KLHL13: variants seen among roughly 807,000 people sequenced by gnomAD.
The protein encoded by KLHL13 is kelch-like protein 13.
A neutral mutation model predicts 37.1 loss-of-function variants in KLHL13; 10 were observed. The ratio of observed to expected loss-of-function variants is 0.27; its 90% confidence interval spans 0.17 to 0.46. The LOEUF (loss-of-function observed/expected upper bound fraction) is 0.46, where lower values mean the gene tolerates loss of function less well. Among genes scored for constraint, KLHL13 ranks in the 20% least tolerant of loss-of-function variants. The pLI is 1.00. For synonymous variants in KLHL13, 163 were observed against 181.2 expected, an observed-to-expected ratio of 0.90 and a Z score of 0.81; for missense variants, 360 against 509.3, an observed-to-expected ratio of 0.71 and a Z score of 2.82.
intron 2 of KLHL13, among the ~76,000 whole-genome samples, chrX:117,931,075 C>T (rs1932426901): frequency 8.9e-6 from 1 of 111,876 alleles, no homozygotes; most frequent in Admixed American, 9.5e-5. Context: ...GGAAAGGCAA[C>T]ACGTGTTAAT....
intron 1 of KLHL13, among the ~76,000 whole-genome samples, chrX:118,086,220 G>T (rs2055052890): frequency 8.9e-6 from 1 of 112,102 alleles, no homozygotes. Flanking sequence ...ACAGGCGTGA[G>T]CCACCATGCC....
chrX:118,112,889 G>A (rs1227074645), intron 1 of KLHL13, among the ~76,000 whole-genome samples: 1 of 111,908 alleles, frequency 8.9e-6, no homozygotes, highest in African/African-American at 3.2e-5. Flanking sequence ...GAAAATGTTG[G>A]AGAGGCAACA....
intron 1 of KLHL13, among the ~76,000 whole-genome samples, chrX:117,960,303 G>A (rs1190397344): frequency 9.1e-6 from 1 of 110,337 alleles, no homozygotes; most frequent in Non-Finnish European, 1.9e-5. Flanking sequence ...TGTCTAGAAA[G>A]TTTGGTAACC....
intron 1 of KLHL13, among the ~76,000 whole-genome samples, chrX:118,025,639 A>G (rs2148019828): frequency 8.9e-6 from 1 of 112,115 alleles, no homozygotes; most frequent in East Asian, 2.8e-4. Flanking sequence ...AAAGGGTCAA[A>G]GTTCTTGACT....
intron 1 of KLHL13, among the ~76,000 whole-genome samples, chrX:118,016,556 T>C (rs2192261): frequency 0.055 from 6,191 of 111,755 alleles, 413 homozygotes; most frequent in African/African-American, 0.19. Context: ...GTGCAAAATC[T>C]TGCATTATGT....
chrX:118,052,989 A>T (rs1412468634), intron 1 of KLHL13, among the ~76,000 whole-genome samples: 1 of 111,920 alleles, frequency 8.9e-6, no homozygotes, highest in East Asian at 2.8e-4. Flanking sequence ...TATGGTACAA[A>T]ACACCATAAA....
intron 1 of KLHL13, among the ~76,000 whole-genome samples, chrX:118,017,103 T>C (rs1023461765): frequency 9.0e-6 from 1 of 111,371 alleles, no homozygotes; most frequent in Non-Finnish European, 1.9e-5. Context: ...TCTAGCAGTA[T>C]AAGGCAGATC....
intron 1 of KLHL13, among the ~76,000 whole-genome samples, chrX:118,110,377 C>CT (rs1054663520): frequency 0.029 from 2,360 of 82,439 alleles, 70 homozygotes; most frequent in East Asian, 0.085. Flanking sequence ...ATTTCTTTTT[C>CT]TTTTTTTTTT....
At chrX:117,925,711 TC>T (rs1348214649) in intron 2 of KLHL13, among the ~76,000 whole-genome samples, 1 of 112,277 alleles carries the variant, frequency 8.9e-6, no homozygotes, top group Non-Finnish European at 1.9e-5. Flanking sequence ...TTTGATCTGA[TC>T]CCAACCTTAT....
Position 117,932,974 on chromosome X carries a change from G to A in KLHL13, c.240+12460C>T, listed in dbSNP as rs189637388. 5.2e-3 allele frequency among the ~76,000 whole-genome samples: 583 copies of A among 111,349 alleles called. 2 individuals carry two copies. The highest frequency in any genetic ancestry group is 0.012 in the South Asian group (31 of 2,665). On this transcript the variant is annotated intron_variant, in intron 2 of 6. Transcript: ENST00000262820. ...TTTCTCTGATAATTAGTGTTGTTGTGTAATTTTCCATATATCTGTTGGCCA... is the reference window on the plus strand; with the variant it reads ...TTTCTCTGATAATTAGTGTTGTTGTATAATTTTCCATATATCTGTTGGCCA...
chrX:117,911,078 A>C (rs5956813), intron 4 of KLHL13, among the ~76,000 whole-genome samples: 26,063 of 111,452 alleles, frequency 0.23, 4,895 homozygotes, highest in African/African-American at 0.65. Context: ...ACAAGCCTAC[A>C]ATAAAAAATG....
At chrX:117,971,165 A>T (rs915671623) in intron 1 of KLHL13, among the ~76,000 whole-genome samples, 76 of 111,890 alleles carry the variant, frequency 6.8e-4, no homozygotes, top group African/African-American at 2.4e-3. Flanking sequence ...AAAAATCGAC[A>T]AATCAGGGGC....
At chrX:118,087,156 GAACTTT>G (rs1318917705) in intron 1 of KLHL13, among the ~76,000 whole-genome samples, 1 of 110,437 alleles carries the variant, frequency 9.1e-6, no homozygotes, top group Non-Finnish European at 1.9e-5. Flanking sequence ...AGTTCAAAGG[GAACTTT>G]ACAGATCAAA....
intron 1 of KLHL13, among the ~76,000 whole-genome samples, chrX:118,087,127 T>C (rs2055063324): frequency 1.8e-5 from 2 of 111,212 alleles, no homozygotes; most frequent in Admixed American, 1.9e-4. Context: ...TTGAAATAAT[T>C]CAAATCATAA....
chrX:118,053,614 C>T (rs929664863), intron 1 of KLHL13, among the ~76,000 whole-genome samples: 1 of 109,126 alleles, frequency 9.2e-6, no homozygotes, highest in Non-Finnish European at 1.9e-5. Flanking sequence ...ACGTTGTGCA[C>T]GTGTACCCTA....
At chrX:118,031,537 A>G (rs935813934) in intron 1 of KLHL13, among the ~76,000 whole-genome samples, 1 of 88,971 alleles carries the variant, frequency 1.1e-5, no homozygotes, top group African/African-American at 4.8e-5. Flanking sequence ...AGTTATATAT[A>G]TATTAGTTAT....
intron 1 of KLHL13, among the ~76,000 whole-genome samples, chrX:118,055,731 A>T (rs1014351302): frequency 1.8e-5 from 2 of 112,121 alleles, no homozygotes; most frequent in African/African-American, 6.5e-5. Flanking sequence ...CAGCCTGGCC[A>T]ACACAGCAAG....
upstream of KLHL13, among the ~76,000 whole-genome samples, chrX:117,976,976 T>TG (rs2053603748): frequency 9.0e-6 from 1 of 111,619 alleles, no homozygotes; most frequent in African/African-American, 3.3e-5. Context: ...GAAGCTAACT[T>TG]GCCCAATGTT....
At chrX:118,063,401 G>C (rs185521237) in intron 1 of KLHL13, among the ~76,000 whole-genome samples, 133 of 111,393 alleles carry the variant, frequency 1.2e-3, no homozygotes, top group African/African-American at 4.0e-3. Flanking sequence ...AAAAACATTA[G>C]AGGTACTGAA....
Sources: gnomAD v4.1 joint callset for allele counts (sites outside exome capture counted in the v4.1 genomes callset) on GRCh38, gnomAD v4.1.1 for gene constraint, MANE v1.5 for transcripts, NCBI Gene and HGNC (gene_info 2026-07-23, HGNC 2026-07-21) for gene names.